TMEM117: variants seen among roughly 807,000 people sequenced by gnomAD.
The protein encoded by TMEM117 is transmembrane protein 117.
A neutral mutation model predicts 52.4 loss-of-function variants in TMEM117; 27 were observed. The observed-to-expected ratio is 0.51, with a 90% CI of 0.38 to 0.71. The LOEUF is 0.71. Among genes scored for constraint, TMEM117 ranks in the 30% least tolerant of loss-of-function variants. The probability of loss-of-function intolerance (pLI) is 0.00; values close to 1 mark genes in which losing one functional copy is unlikely to be tolerated. For missense variants in TMEM117, 556 were observed against 630.5 expected, an observed-to-expected ratio of 0.88 and a Z score of 1.26; for synonymous variants, 215 against 206.3, an observed-to-expected ratio of 1.04 and a Z score of -0.36.
intron 6 of TMEM117, 123 bp downstream of exon 6, chr12:44,299,862 G>A: frequency 8.1e-7 from 1 of 1,227,088 alleles, no homozygotes; most frequent in East Asian, 2.4e-5. Flanking sequence ...ACTTTTGATG[G>A]GGCCTTCTCT....
chr12:44,036,776 C>T (rs948760787), intron 3 of TMEM117, among the ~76,000 whole-genome samples: 1 of 152,176 alleles, frequency 6.6e-6, no homozygotes, highest in African/African-American at 2.4e-5. Flanking sequence ...GTATCTTCAA[C>T]TTTGTTACAT....
At chr12:43,866,651 A>G (rs1943605414) in intron 2 of TMEM117, among the ~76,000 whole-genome samples, 1 of 152,238 alleles carries the variant, frequency 6.6e-6, no homozygotes, top group Non-Finnish European at 1.5e-5. Flanking sequence ...CCTGCTCTAC[A>G]AGAAATGCTA....
At chr12:44,037,667 G>T (rs535965503) in intron 3 of TMEM117, among the ~76,000 whole-genome samples, 1 of 152,090 alleles carries the variant, frequency 6.6e-6, no homozygotes, top group Non-Finnish European at 1.5e-5. Flanking sequence ...CAATTAGTAC[G>T]CACTTCCTCT....
chr12:44,190,179 T>A (rs957305480), intron 4 of TMEM117, among the ~76,000 whole-genome samples: 3 of 152,222 alleles, frequency 2.0e-5, no homozygotes, highest in Admixed American at 2.0e-4. Flanking sequence ...TAATATTTTT[T>A]AGTAGCACTC....
intron 3 of TMEM117, among the ~76,000 whole-genome samples, chr12:44,011,232 G>T (rs570694311): frequency 6.6e-6 from 1 of 152,040 alleles, no homozygotes; most frequent in South Asian, 2.1e-4. Context: ...ATCTGTAGGG[G>T]ATACATTCTA....
In TMEM117 at chr12:43,969,356, T is replaced by TAAA. The variant is rs1166788465; in HGVS notation, c.410+25029_410+25031dup. Among the ~76,000 whole-genome samples, 5 of 79,568 alleles carry TAAA rather than the reference T, an allele frequency of 6.3e-5. 2 individuals carry two copies. The highest frequency in any genetic ancestry group is 1.1e-4 in the Non-Finnish European group (5 of 47,148). The allele number at this position is 79,568 out of a possible 152,430, so 52.2% of individuals were successfully genotyped here. A position where few individuals can be genotyped will look rare whatever the true frequency, so the allele number is the denominator to read the frequency against. On this transcript the variant is annotated intron_variant, in intron 3 of 7. Transcript: ENST00000266534. ...CAAGATGGTGAAACCCCGTCTCTAC[T>TAAA]AAAAAAAAAAAAAAAAATTAGCCAG...
At chr12:44,135,884 C>A (rs2138181673) in intron 3 of TMEM117, among the ~76,000 whole-genome samples, 1 of 152,202 alleles carries the variant, frequency 6.6e-6, no homozygotes, top group East Asian at 1.9e-4. Flanking sequence ...TGACACATAC[C>A]CATTAAAATT....
chr12:44,288,751 G>T (rs1028994548), intron 5 of TMEM117, among the ~76,000 whole-genome samples: 2 of 151,982 alleles, frequency 1.3e-5, no homozygotes, highest in Non-Finnish European at 2.9e-5. Context: ...TAACAAAATT[G>T]TATATGTTTA....
chr12:44,099,855 A>G (rs926954076), intron 3 of TMEM117, among the ~76,000 whole-genome samples: 9 of 152,028 alleles, frequency 5.9e-5, no homozygotes, highest in African/African-American at 2.2e-4. Context: ...AAAGGCTAAA[A>G]TGAGCCTAGA....
chr12:44,393,147 A>T (rs919549604), downstream of TMEM117, among the ~76,000 whole-genome samples: 4 of 152,166 alleles, frequency 2.6e-5, no homozygotes, highest in African/African-American at 9.6e-5. Flanking sequence ...CAATTATTTT[A>T]CTTTAGTGAA....
chr12:44,379,587 T>C (rs1420218084), intron 7 of TMEM117, among the ~76,000 whole-genome samples: 1 of 152,174 alleles, frequency 6.6e-6, no homozygotes, highest in Admixed American at 6.5e-5. Flanking sequence ...GCTGAAGAGA[T>C]TGCTGAGGCC....
At chr12:44,037,655 A>G (rs73089717) in intron 3 of TMEM117, among the ~76,000 whole-genome samples, 9,645 of 152,208 alleles carry the variant, frequency 0.063, 485 homozygotes, top group African/African-American at 0.14. Flanking sequence ...CCACCCATGA[A>G]CCAATTAGTA....
intron 2 of TMEM117, among the ~76,000 whole-genome samples, chr12:43,869,530 G>A (rs1432331255): frequency 6.6e-6 from 1 of 152,190 alleles, no homozygotes; most frequent in Non-Finnish European, 1.5e-5. Flanking sequence ...GTGGGCAAAT[G>A]GGAATATGCC....
intron 5 of TMEM117, among the ~76,000 whole-genome samples, chr12:44,254,703 A>C (rs1224148810): frequency 2.0e-5 from 3 of 152,036 alleles, no homozygotes; most frequent in Non-Finnish European, 2.9e-5. Context: ...ACATGTGCAC[A>C]ATGTGCAGGT....
intron 3 of TMEM117, among the ~76,000 whole-genome samples, chr12:44,037,512 A>T (rs1057401621): frequency 6.6e-6 from 1 of 152,098 alleles, no homozygotes; most frequent in African/African-American, 2.4e-5. Flanking sequence ...CAGGCTCCAG[A>T]TAGGCTCCTA....
chr12:44,295,846 T>A (rs967698653), intron 5 of TMEM117, among the ~76,000 whole-genome samples: 3 of 152,216 alleles, frequency 2.0e-5, no homozygotes, highest in Non-Finnish European at 1.5e-5. Context: ...TCTTTGGGGT[T>A]GTTACTGGTG....
intron 5 of TMEM117, among the ~76,000 whole-genome samples, chr12:44,251,685 C>A (rs1295219874): frequency 1.3e-5 from 2 of 152,208 alleles, no homozygotes; most frequent in East Asian, 3.9e-4. Context: ...GACACTGAAT[C>A]TACCAACAGT....
At chr12:43,962,913 G>A (rs1473017560) in intron 3 of TMEM117, among the ~76,000 whole-genome samples, 1 of 151,414 alleles carries the variant, frequency 6.6e-6, no homozygotes, top group African/African-American at 2.4e-5. Flanking sequence ...GGGTGACAGA[G>A]CAAGACTCTG....
At chr12:44,262,557 CA>C (rs1323350906) in intron 5 of TMEM117, among the ~76,000 whole-genome samples, 1 of 152,120 alleles carries the variant, frequency 6.6e-6, no homozygotes, top group Admixed American at 6.6e-5. Flanking sequence ...AAAAAAGTTT[CA>C]TGTGATTTGC....
Sources: gnomAD v4.1 joint callset for allele counts (sites outside exome capture counted in the v4.1 genomes callset) on GRCh38, gnomAD v4.1.1 for gene constraint, MANE v1.5 for transcripts, NCBI Gene and HGNC (gene_info 2026-07-23, HGNC 2026-07-21) for gene names.